The following ALDH6A1 variants were observed in gnomAD, a reference collection of about 807,000 sequenced individuals.
The protein encoded by ALDH6A1 is aldehyde dehydrogenase 6 family member A1.
A neutral mutation model predicts 62.6 loss-of-function variants in ALDH6A1; 43 were observed. The observed-to-expected ratio is 0.69, with a 90% CI of 0.54 to 0.89. ALDH6A1 has a LOEUF of 0.89. Among genes scored for constraint, ALDH6A1 ranks in the 40% least tolerant of loss-of-function variants. The pLI, the probability that ALDH6A1 is intolerant of heterozygous loss-of-function variation, is 0.00. For missense variants in ALDH6A1, 551 were observed against 661.3 expected, an observed-to-expected ratio of 0.83 and a Z score of 1.83; for synonymous variants, 194 against 234.2, an observed-to-expected ratio of 0.83 and a Z score of 1.57.
At chr14:74,084,162 G>A (rs1238213978) in intron 1 of ALDH6A1, among the ~76,000 whole-genome samples, 185 bp downstream of exon 1, 4 of 152,184 alleles carry the variant, frequency 2.6e-5, no homozygotes, top group Non-Finnish European at 5.9e-5. Context: ...CCCAGGGTTG[G>A]ATCCGGGACC....
chr14:74,069,054 C>T, intron 6 of ALDH6A1, 73 bp from the exon 7 acceptor site: 1 of 1,512,136 alleles, frequency 6.6e-7, no homozygotes, highest in Non-Finnish European at 9.1e-7. Context: ...TCCCCTTTCC[C>T]CACTGCTATG....
intron 7 of ALDH6A1, among the ~76,000 whole-genome samples, chr14:74,068,132 C>T (rs943910919): frequency 2.0e-5 from 3 of 152,104 alleles, no homozygotes; most frequent in African/African-American, 7.2e-5. Context: ...TGCCTGTAAT[C>T]CCAGCACTTT....
chr14:74,070,916 C>T (rs867230355), intron 6 of ALDH6A1: 49 of 436,166 alleles, frequency 1.1e-4, no homozygotes, highest in African/African-American at 9.0e-4. Flanking sequence ...ATTCTCTTCA[C>T]ACTGAAGAAA....
At position 74,069,734 on chromosome 14, in the gene ALDH6A1, CAA is replaced by C. The variant is rs1432223177; in HGVS notation, c.731-755_731-754del. On this transcript the variant is annotated intron_variant, in intron 6 of 11. Transcript: ENST00000553458. ...TGCCATTGCGCCTCAGCCTGGGCAA[CAA>C]GAGCAAAACTCCATCTCAAAACAAT... Among the ~76,000 whole-genome samples, 7 of 151,794 alleles carry C rather than the reference CAA, an allele frequency of 4.6e-5. No homozygotes were observed. The East Asian group carries it at 1.2e-3, about 25-fold the overall frequency.
chr14:74,064,050 A>C (rs950313139), intron 11 of ALDH6A1, among the ~76,000 whole-genome samples: 1 of 151,874 alleles, frequency 6.6e-6, no homozygotes, highest in Non-Finnish European at 1.5e-5. Context: ...CTGTAATCCC[A>C]GTGCTTTGGG....
chr14:74,067,881 C>T (rs1034247620), intron 7 of ALDH6A1, among the ~76,000 whole-genome samples: 1 of 151,646 alleles, frequency 6.6e-6, no homozygotes, highest in Non-Finnish European at 1.5e-5. Context: ...GCCAAGATCA[C>T]ACCATTGTAC....
chr14:74,057,817 CTAAGAAA>C lies in ALDH6A1; in HGVS notation c.*2818_*2824del, dbSNP rs2060251764. ...AATATAACTGATGAGTTTTTTTCAT[CTAAGAAA>C]TAAGAAACTCTGAGCAGCAAATAGT... On this transcript the variant is annotated 3_prime_UTR_variant, in exon 12 of 12. Coordinates refer to ENST00000553458, the MANE Select transcript of ALDH6A1 (RefSeq NM_005589.4). 9.7e-7 allele frequency: 1 copy of C among 1,032,332 alleles called. No homozygotes were observed. The highest frequency in any genetic ancestry group is 9.3e-5 in the East Asian group (1 of 10,724). 63.9% of individuals were successfully genotyped at this position (1,032,332 alleles called of 1,614,324 possible).
chr14:74,075,123 T>G, intron 1 of ALDH6A1, 106 bp from the exon 2 acceptor site: 8 of 1,006,424 alleles, frequency 7.9e-6, no homozygotes, highest in East Asian at 5.2e-5. Flanking sequence ...AGGGGGTATG[T>G]TTCTCTCAAA....
In ALDH6A1 at chr14:74,065,314, A is replaced by C; in HGVS notation, c.1271T>G (p.Val424Gly). The change falls in exon 10 of 12, where the codon GTG becomes GGG. Residue 424 changes from valine to glycine, a missense_variant. Val to Gly is a moderately radical substitution (Grantham distance 109). Transcript: ENST00000553458. ...YKEEIFGPVL[V>G]VLETETLDEA... The stretch of plus-strand genomic sequence containing the variant: ...ATCCAATGTTTCTGTCTCCAGAACC[A>C]CAAGAACTGGACCAAAAATCTCCTC... 6.2e-7 allele frequency: 1 copy of C among 1,614,176 alleles called. No homozygotes were observed. The highest frequency in any genetic ancestry group is 8.5e-7 in the Non-Finnish European group (1 of 1,180,022).
chr14:74,068,785 C>G, intron 7 of ALDH6A1, 75 bp downstream of exon 7: 1 of 1,551,648 alleles, frequency 6.4e-7, no homozygotes, highest in Admixed American at 1.7e-5. Context: ...TGAGTGGCCT[C>G]TCTGCTGAAG....
At chr14:74,071,701 A>G (rs1386635039) in intron 5 of ALDH6A1, 195 bp downstream of exon 5, 5 of 1,484,636 alleles carry the variant, frequency 3.4e-6, no homozygotes, top group Non-Finnish European at 4.5e-6. Flanking sequence ...TACCCACTGG[A>G]AGATCATTTG....
intron 1 of ALDH6A1, among the ~76,000 whole-genome samples, chr14:74,076,751 T>C (rs2060617691): frequency 6.6e-6 from 1 of 152,112 alleles, no homozygotes; most frequent in Admixed American, 6.6e-5. Context: ...GGTTTCACCA[T>C]GTTGGCCTGG....
At chr14:74,084,052 G>C (rs1271755398) in intron 1 of ALDH6A1, among the ~76,000 whole-genome samples, 2 of 152,214 alleles carry the variant, frequency 1.3e-5, no homozygotes, top group South Asian at 2.1e-4. Flanking sequence ...GAGGGCAAGA[G>C]AGTGACAGCA....
rs555662111 is a variant in ALDH6A1 at position 74,075,286 on chromosome 14, C to A, written c.49-269G>T. On this transcript the variant is annotated intron_variant, in intron 1 of 11. Coordinates refer to ENST00000553458, the MANE Select transcript of ALDH6A1 (RefSeq NM_005589.4). ...TTATATTTTCCTAATTTGGGCCTGG[C>A]AAATGTACCATAAATCTAACAATAT... 7.9e-5 allele frequency among the ~76,000 whole-genome samples: 12 copies of A among 152,072 alleles called. No individual in the cohort carries two copies. In the East Asian group the frequency reaches 2.3e-3, roughly 29 times the overall value.
Position 74,057,268 on chromosome 14 carries a change from CTG to C in ALDH6A1, c.*3372_*3373del, listed in dbSNP as rs1308985882. The C allele has an allele frequency of 2.4e-5, 38 of 1,613,980 alleles. 1 individual carries two copies. The highest frequency in any genetic ancestry group is 3.0e-5 in the Non-Finnish European group (35 of 1,180,004). On this transcript the variant is annotated 3_prime_UTR_variant, in exon 12 of 12. Transcript: ENST00000553458. The stretch of plus-strand genomic sequence containing the variant: ...TCAGGAGTCTGACACAGTAAGGAGT[CTG>C]TATCTAATCAAACAATGTATATTGT...
At chr14:74,079,397 C>A (rs2060647692) in intron 1 of ALDH6A1, among the ~76,000 whole-genome samples, 1 of 151,890 alleles carries the variant, frequency 6.6e-6, no homozygotes, top group South Asian at 2.1e-4. Context: ...CAGGCATATG[C>A]CACCACACCC....
intron 1 of ALDH6A1, chr14:74,081,143 C>T (rs2060664123): frequency 6.6e-6 from 1 of 152,200 alleles, no homozygotes; most frequent in Non-Finnish European, 1.5e-5. Context: ...TTGTGAAGCT[C>T]ATAAAGCACC....
Position 74,066,820 on chromosome 14 carries a change from A to G in ALDH6A1, c.1109T>C (p.Leu370Pro). 6.2e-7 allele frequency: 1 copy of G among 1,614,080 alleles called. No homozygotes were observed. Among genetic ancestry groups the G allele is most frequent in the South Asian group, 1.1e-5 (1 of 91,080 alleles). Residue 370 changes from leucine to proline, a missense_variant, in exon 9 of 12, where the codon CTG becomes CCG. Coordinates refer to ENST00000553458, the MANE Select transcript of ALDH6A1 (RefSeq NM_005589.4). The part of the protein sequence containing the change: ...TPQAKERVCN[L>P]IDSGTKEGAS... ...TCCCTCCTTTGTTCCACTATCAATC[A>G]GATTACAGACTCGCTCTTTGGCCTG... is the stretch of plus-strand genomic sequence containing the variant.
intron 1 of ALDH6A1, among the ~76,000 whole-genome samples, chr14:74,080,362 CTCTT>C (rs1237246877): frequency 1.5e-5 from 2 of 134,474 alleles, no homozygotes; most frequent in African/African-American, 6.1e-5. Context: ...TAATGTTAAA[CTCTT>C]TCTTTTTTTT....
Sources: allele counts gnomAD v4.1 joint callset (sites outside exome capture counted in the v4.1 genomes callset), GRCh38; gene constraint gnomAD v4.1.1; transcripts MANE v1.5; gene names NCBI Gene and HGNC (gene_info 2026-07-23, HGNC 2026-07-21).